FAM168A: variants seen among roughly 807,000 people sequenced by gnomAD.
FAM168A encodes family with sequence similarity 168 member A.
In FAM168A, 3 loss-of-function variants were observed where a neutral mutation model predicts 28.5. That is an observed-to-expected ratio of 0.11 (90% CI 0.05 to 0.27). The LOEUF is 0.27. Ranked by LOEUF, FAM168A falls within the 10% of genes least tolerant of loss-of-function variation. The probability of loss-of-function intolerance (pLI) is 1.00; values close to 1 mark genes in which losing one functional copy is unlikely to be tolerated. For missense variants in FAM168A, 222 were observed against 311.5 expected (o/e 0.71, Z 2.16); for synonymous variants, 122 against 124.2 (o/e 0.98, Z 0.12).
intron 1 of FAM168A, among the ~76,000 whole-genome samples, chr11:73,506,689 A>T (rs1855124148): frequency 6.6e-6 from 1 of 152,192 alleles, no homozygotes; most frequent in Non-Finnish European, 1.5e-5. Flanking sequence ...TCTATAGCAT[A>T]CTATGTTAAT....
At chr11:73,427,656 A>C (rs1806771165) in intron 3 of FAM168A, among the ~76,000 whole-genome samples, 1 of 152,240 alleles carries the variant, frequency 6.6e-6, no homozygotes, top group Non-Finnish European at 1.5e-5. Flanking sequence ...AGTTTATTGC[A>C]ATATGCAACA....
intron 1 of FAM168A, among the ~76,000 whole-genome samples, chr11:73,535,496 T>C (rs1943567557): frequency 6.6e-6 from 1 of 150,892 alleles, no homozygotes; most frequent in Admixed American, 6.6e-5. Flanking sequence ...TGCAGCTCAC[T>C]GCAATCTCCA....
At chr11:73,578,102 C>T (rs767537480) in intron 1 of FAM168A, among the ~76,000 whole-genome samples, 3 of 152,164 alleles carry the variant, frequency 2.0e-5, no homozygotes, top group Non-Finnish European at 4.4e-5. Context: ...AGACATTATG[C>T]TAGGCTCTTT....
At chr11:73,476,482 C>T (rs1867890597) in intron 1 of FAM168A, among the ~76,000 whole-genome samples, 1 of 151,574 alleles carries the variant, frequency 6.6e-6, no homozygotes, top group African/African-American at 2.4e-5. Flanking sequence ...GGGTGGAATC[C>T]GAATCAAGAA....
At chr11:73,428,109 C>T (rs1866921694) in intron 3 of FAM168A, among the ~76,000 whole-genome samples, 1 of 152,140 alleles carries the variant, frequency 6.6e-6, no homozygotes, top group South Asian at 2.1e-4. Flanking sequence ...TAGTTGCCCT[C>T]CTGCGTGAGG....
chr11:73,484,507 G>GAGAGAT (rs1243168733), intron 1 of FAM168A, among the ~76,000 whole-genome samples: 1 of 77,774 alleles, frequency 1.3e-5, no homozygotes, highest in African/African-American at 5.7e-5. Context: ...AGGAGAGAGA[G>GAGAGAT]ATATATATAG....
chr11:73,504,894 T>C (rs932573109), intron 1 of FAM168A, among the ~76,000 whole-genome samples: 1 of 151,984 alleles, frequency 6.6e-6, no homozygotes, highest in Non-Finnish European at 1.5e-5. Flanking sequence ...CTCAGCAAAC[T>C]AACACAGGAA....
intron 3 of FAM168A, among the ~76,000 whole-genome samples, chr11:73,426,363 T>C (rs1454348013): frequency 6.6e-6 from 1 of 151,788 alleles, no homozygotes; most frequent in Admixed American, 6.6e-5. Flanking sequence ...ATGAAAAGAG[T>C]GAAATGTTTC....
intron 1 of FAM168A, among the ~76,000 whole-genome samples, chr11:73,521,485 G>A (rs1943376011): frequency 6.6e-6 from 1 of 151,992 alleles, no homozygotes; most frequent in Non-Finnish European, 1.5e-5. Context: ...AAAAGAAGAA[G>A]AAAACTCTGC....
chr11:73,594,044 T>C (rs1944414100), intron 1 of FAM168A, among the ~76,000 whole-genome samples: 1 of 152,214 alleles, frequency 6.6e-6, no homozygotes, highest in South Asian at 2.1e-4. Context: ...ATATTTCATA[T>C]ATGTACAGTG....
chr11:73,559,593 A>G (rs1943933286), intron 1 of FAM168A, among the ~76,000 whole-genome samples: 1 of 152,192 alleles, frequency 6.6e-6, no homozygotes, highest in African/African-American at 2.4e-5. Context: ...GTAAATCCAT[A>G]GAGATGAAAA....
chr11:73,442,251 G>A (rs537726629), intron 2 of FAM168A, among the ~76,000 whole-genome samples: 5 of 150,410 alleles, frequency 3.3e-5, no homozygotes, highest in South Asian at 2.1e-4. Context: ...TCAGCCTCCC[G>A]AGTAGCTGAG....
chr11:73,422,128 T>C (rs1420672217), intron 3 of FAM168A, among the ~76,000 whole-genome samples: 1 of 152,162 alleles, frequency 6.6e-6, no homozygotes, highest in Non-Finnish European at 1.5e-5. Flanking sequence ...AAGGTACTTA[T>C]GGTCTAGCTG....
chr11:73,443,360 C>T (rs1406221245), intron 2 of FAM168A, among the ~76,000 whole-genome samples: 1 of 152,090 alleles, frequency 6.6e-6, no homozygotes, highest in Non-Finnish European at 1.5e-5. Flanking sequence ...ATAATTCTTG[C>T]CCTCCGTGAA....
chr11:73,481,283 G>A, intron 1 of FAM168A, among the ~76,000 whole-genome samples: 1 of 152,144 alleles, frequency 6.6e-6, no homozygotes, highest in Non-Finnish European at 1.5e-5. Context: ...GGATGTTTCT[G>A]TAACATTTAT....
intron 2 of FAM168A, among the ~76,000 whole-genome samples, chr11:73,459,014 T>C (rs1171909068): frequency 6.6e-6 from 1 of 152,232 alleles, no homozygotes; most frequent in South Asian, 2.1e-4. Flanking sequence ...TATTATTATA[T>C]GCGGTTTTGT....
At position 73,407,205 on chromosome 11, in the gene FAM168A, A is replaced by G. The variant is rs146555777; in HGVS notation, c.*18+308T>C. On this transcript the variant is annotated intron_variant, in intron 7 of 7. Transcript: ENST00000356467. The stretch of plus-strand genomic sequence containing the variant: ...TTTACTGGCTAAGTGATATTTAACT[A>G]CATATTTATCTGTAAAATAGAGCTA... Among the ~76,000 whole-genome samples, 331 of 152,374 alleles carry G rather than the reference A, an allele frequency of 2.2e-3. 1 individual carries two copies. The highest frequency in any genetic ancestry group is 7.6e-3 in the African/African-American group (314 of 41,582).
At position 73,409,555 on chromosome 11, in the gene FAM168A, A is replaced by G. The variant is rs1351114294; in HGVS notation, c.527T>C (p.Val176Ala). 3.1e-6 allele frequency: 5 copies of G among 1,613,914 alleles called. No homozygotes were observed. Among genetic ancestry groups the G allele is most frequent in the African/African-American group, 1.3e-5 (1 of 74,950 alleles). Residue 176 changes from valine to alanine, a missense_variant, in exon 6 of 8, where the codon GTT becomes GCT. Coordinates refer to ENST00000356467, the MANE Select transcript of FAM168A (RefSeq NM_015159.3). ...SIPSAIYPAP[V>A]AAPRTNGVAM... Reference sequence around the variant, plus strand: ...CACACCGTTGGTCCTCGGGGCGGCAACAGGTGCTGGGTAGATAGCAGAGGG... The same window carrying G: ...CACACCGTTGGTCCTCGGGGCGGCAGCAGGTGCTGGGTAGATAGCAGAGGG...
chr11:73,575,867 CA>C (rs11292947), intron 1 of FAM168A, among the ~76,000 whole-genome samples: 16,643 of 141,494 alleles, frequency 0.12, 1,015 homozygotes, highest in African/African-American at 0.17. Flanking sequence ...CAAACTATGT[CA>C]AAAAAAAAAA....
Sources: gnomAD v4.1 joint callset for allele counts (sites outside exome capture counted in the v4.1 genomes callset) on GRCh38, gnomAD v4.1.1 for gene constraint, MANE v1.5 for transcripts, NCBI Gene and HGNC (gene_info 2026-07-23, HGNC 2026-07-21) for gene names.